Variants in ASPH observed in about 807,000 individuals in gnomAD.
The protein encoded by ASPH is aspartyl/asparaginyl beta-hydroxylase.
A neutral mutation model predicts 118.4 loss-of-function variants in ASPH; 100 were observed. The observed-to-expected ratio is 0.84, with a 90% CI of 0.72 to 1.00. ASPH has a LOEUF of 1.00. Among genes scored for constraint, ASPH ranks in the 50% least tolerant of loss-of-function variants. The probability of loss-of-function intolerance (pLI) is 0.00; values close to 1 mark genes in which losing one functional copy is unlikely to be tolerated. For missense variants in ASPH, 920 were observed against 919.5 expected (o/e 1.00, Z -0.01); for synonymous variants, 315 against 325.6 (o/e 0.97, Z 0.35).
chr8:61,600,527 A>G (rs994933441), intron 14 of ASPH, among the ~76,000 whole-genome samples: 1 of 151,446 alleles, frequency 6.6e-6, no homozygotes, highest in Non-Finnish European at 1.5e-5. Flanking sequence ...CAAATTCAGT[A>G]AAGTTACAGG....
Position 61,714,444 on chromosome 8 carries a change from A to G in ASPH, c.-73T>C. ...CGCGGGGGTACACACGCGACGCGGG[A>G]ACCGCTGGCGGCGGCGGGCCGCTGG... On this transcript the variant is annotated 5_prime_UTR_variant, in exon 1 of 25. Coordinates refer to ENST00000379454, the MANE Select transcript of ASPH (RefSeq NM_004318.4). 7.3e-7 allele frequency: 1 copy of G among 1,367,110 alleles called. No individual in the cohort carries two copies. Among genetic ancestry groups the G allele is most frequent in the East Asian group, 3.1e-5 (1 of 32,322 alleles). The allele number at this position is 1,367,110 out of a possible 1,614,324, so 84.7% of individuals were successfully genotyped here.
rs911557335 is a variant in ASPH, at chr8:61,519,645, G to A, written c.1901-1522C>T. Among the ~76,000 whole-genome samples, 6 of 147,804 alleles carry A rather than the reference G, an allele frequency of 4.1e-5. No homozygotes were observed. The East Asian group carries it at 1.2e-3, about 30-fold the overall frequency. On this transcript the variant is annotated intron_variant, in intron 22 of 24. Coordinates refer to ENST00000379454, the MANE Select transcript of ASPH (RefSeq NM_004318.4). ...GAGATTATCCAAGATTACCTGGATGGGCCCAAGGTAATCACAGCATCCTTA... is the reference window on the plus strand; with the variant it reads ...GAGATTATCCAAGATTACCTGGATGAGCCCAAGGTAATCACAGCATCCTTA...
At chr8:61,636,093 AACTTTACTG>A (rs1463353165) in intron 12 of ASPH, among the ~76,000 whole-genome samples, 1 of 152,224 alleles carries the variant, frequency 6.6e-6, no homozygotes, top group Non-Finnish European at 1.5e-5. Context: ...AACTGAAAGT[AACTTTACTG>A]ACACAGATGG....
At chr8:61,558,192 G>C (rs1318339956) in intron 18 of ASPH, among the ~76,000 whole-genome samples, 1 of 152,174 alleles carries the variant, frequency 6.6e-6, no homozygotes, top group Non-Finnish European at 1.5e-5. Context: ...AGCATGCAGG[G>C]GTTATATAAG....
At chr8:61,663,955 G>A (rs968553867) in intron 3 of ASPH, 86 of 874,648 alleles carry the variant, frequency 9.8e-5, no homozygotes, top group Non-Finnish European at 6.9e-5. Flanking sequence ...CAAAAATCTC[G>A]TTTTTAAGAT....
intron 18 of ASPH, among the ~76,000 whole-genome samples, chr8:61,558,640 G>A (rs1828733065): frequency 6.6e-6 from 1 of 152,208 alleles, no homozygotes; most frequent in Non-Finnish European, 1.5e-5. Flanking sequence ...TCAGGGCTCA[G>A]GCCCCAGGGC....
chr8:61,605,084 T>G (rs1174358718), intron 14 of ASPH, among the ~76,000 whole-genome samples: 4 of 152,244 alleles, frequency 2.6e-5, no homozygotes, highest in Non-Finnish European at 5.9e-5. Context: ...TTTCCAATAT[T>G]CTCATAACTT....
intron 3 of ASPH, 68 bp downstream of exon 3, chr8:61,680,900 A>G (rs1827724126): frequency 3.6e-6 from 5 of 1,373,550 alleles, no homozygotes; most frequent in East Asian, 2.4e-5. Context: ...GATAGATATT[A>G]TTAAAGCAAA....
In ASPH at chr8:61,577,118, T is replaced by C. The variant is rs28537937; in HGVS notation, c.1063-260A>G. Among the ~76,000 whole-genome samples the C allele has an allele frequency of 5.5e-3, 828 of 151,844 alleles. 11 individuals are homozygous for C. The highest frequency in any genetic ancestry group is 0.019 in the African/African-American group (775 of 41,416). Reference sequence around the variant, plus strand: ...GCATGTTCTCACTCATAGATGGGAATTGAACAATGAGAACACTTGGACACA... The same window carrying C: ...GCATGTTCTCACTCATAGATGGGAACTGAACAATGAGAACACTTGGACACA... On this transcript the variant is annotated intron_variant, in intron 15 of 24. Transcript: ENST00000379454.
chr8:61,665,638 T>A, intron 3 of ASPH: 2 of 1,532,810 alleles, frequency 1.3e-6, no homozygotes, highest in Non-Finnish European at 1.7e-6. Context: ...GGAAAAAATG[T>A]TTATTGACAG....
At chr8:61,642,706 G>A (rs984390900) in intron 10 of ASPH, among the ~76,000 whole-genome samples, 182 bp downstream of exon 10, 23 of 152,030 alleles carry the variant, frequency 1.5e-4, no homozygotes, top group African/African-American at 5.3e-4. Context: ...TTAGCTAAGC[G>A]TGGTGGCACA....
intron 15 of ASPH, among the ~76,000 whole-genome samples, chr8:61,580,633 C>T (rs12675597): frequency 0.28 from 42,531 of 152,186 alleles, 7,292 homozygotes; most frequent in African/African-American, 0.47. Context: ...AGAGGTTTTA[C>T]GGGAATATTT....
At chr8:61,530,436 C>T (rs926467981) in intron 21 of ASPH, among the ~76,000 whole-genome samples, 1 of 152,182 alleles carries the variant, frequency 6.6e-6, no homozygotes, top group Non-Finnish European at 1.5e-5. Context: ...TATAAATGGC[C>T]TTCCCAGTTC....
intron 3 of ASPH, chr8:61,663,751 G>T: frequency 2.1e-6 from 2 of 970,190 alleles, no homozygotes; most frequent in Non-Finnish European, 2.5e-6. Flanking sequence ...TTATATTGGA[G>T]ATATTAGATA....
chr8:61,711,855 A>G (rs1329513049), intron 1 of ASPH, among the ~76,000 whole-genome samples: 1 of 152,240 alleles, frequency 6.6e-6, no homozygotes, highest in Non-Finnish European at 1.5e-5. Flanking sequence ...AAAATTTCAA[A>G]TAGTGTTTCA....
chr8:61,520,017 T>C (rs1812368916), intron 22 of ASPH, among the ~76,000 whole-genome samples: 1 of 152,258 alleles, frequency 6.6e-6, no homozygotes, highest in Non-Finnish European at 1.5e-5. Context: ...AATGCATTTC[T>C]AGGACTATAT....
intron 24 of ASPH, among the ~76,000 whole-genome samples, chr8:61,511,586 G>A (rs941726874): frequency 3.3e-5 from 5 of 152,038 alleles, no homozygotes; most frequent in African/African-American, 9.7e-5. Flanking sequence ...ACTCAGCTCC[G>A]GATCAAAATT....
chr8:61,602,563 C>A (rs751900107), intron 14 of ASPH, among the ~76,000 whole-genome samples: 1 of 151,406 alleles, frequency 6.6e-6, no homozygotes, highest in Non-Finnish European at 1.5e-5. Context: ...GATGTCCATG[C>A]ATAACTTCTT....
chr8:61,536,897 T>A (rs1263747855), intron 21 of ASPH, among the ~76,000 whole-genome samples: 1 of 152,196 alleles, frequency 6.6e-6, no homozygotes, highest in Non-Finnish European at 1.5e-5. Context: ...TGACTGTGAA[T>A]TCAGCCTCTC....
Sources: gnomAD v4.1 joint callset for allele counts (sites outside exome capture counted in the v4.1 genomes callset) on GRCh38, gnomAD v4.1.1 for gene constraint, MANE v1.5 for transcripts, NCBI Gene and HGNC (gene_info 2026-07-23, HGNC 2026-07-21) for gene names.